MBD5: variants seen among roughly 807,000 people sequenced by gnomAD.
MBD5 encodes the protein methyl-CpG-binding domain protein 5.
In MBD5, 13 loss-of-function variants were observed where a neutral mutation model predicts 117.3. That is an observed-to-expected ratio of 0.11 (90% CI 0.07 to 0.18). The LOEUF (loss-of-function observed/expected upper bound fraction) is 0.18. Ranked by LOEUF, MBD5 falls within the 10% of genes least tolerant of loss-of-function variation. MBD5 has a pLI of 1.00. For missense variants in MBD5, 1,879 were observed against 2,093.8 expected, an observed-to-expected ratio of 0.90 and a Z score of 2.00; for synonymous variants, 727 against 766.4, an observed-to-expected ratio of 0.95 and a Z score of 0.85.
chr2:148,479,309 A>G (rs1021029734), intron 8 of MBD5, among the ~76,000 whole-genome samples: 1 of 152,174 alleles, frequency 6.6e-6, no homozygotes, highest in African/African-American at 2.4e-5. Flanking sequence ...TTGGACTAAT[A>G]CACTGGAGAG....
At chr2:148,050,470 C>G (rs549641410) in intron 1 of MBD5, among the ~76,000 whole-genome samples, 1 of 152,044 alleles carries the variant, frequency 6.6e-6, no homozygotes, top group South Asian at 2.1e-4. Flanking sequence ...GGATACTAGA[C>G]CCTTATCATA....
intron 4 of MBD5, among the ~76,000 whole-genome samples, chr2:148,426,431 A>G (rs1039026351): frequency 4.6e-5 from 7 of 152,064 alleles, no homozygotes; most frequent in African/African-American, 1.7e-4. Context: ...CCAAAACAGC[A>G]TGGTACTGGT....
At chr2:148,082,096 C>T (rs1439098167) in intron 1 of MBD5, among the ~76,000 whole-genome samples, 12 of 152,224 alleles carry the variant, frequency 7.9e-5, no homozygotes, top group Non-Finnish European at 1.3e-4. Flanking sequence ...GGAAATACTT[C>T]GCACTTCATA....
At chr2:148,303,036 T>C (rs1019759241) in intron 3 of MBD5, among the ~76,000 whole-genome samples, 1 of 151,224 alleles carries the variant, frequency 6.6e-6, no homozygotes, top group Non-Finnish European at 1.5e-5. Context: ...GAAGATGTTA[T>C]TTATATTTTT....
chr2:148,025,623 A>G (rs1015218319), intron 1 of MBD5: 1 of 150,446 alleles, frequency 6.6e-6, no homozygotes, highest in African/African-American at 2.4e-5. Flanking sequence ...TTTTTATCTC[A>G]TATAACAGAT....
At chr2:148,205,769 T>G (rs750370189) in intron 2 of MBD5, among the ~76,000 whole-genome samples, 1 of 152,150 alleles carries the variant, frequency 6.6e-6, no homozygotes, top group Non-Finnish European at 1.5e-5. Flanking sequence ...CTCATGCCTG[T>G]AATCCCAGCA....
rs373075359 is a variant in MBD5 at position 148,405,511 on chromosome 2, A to G, written c.-556-52692A>G. On this transcript the variant is annotated intron_variant, in intron 4 of 13. Coordinates refer to ENST00000642680, the MANE Select transcript of MBD5 (RefSeq NM_001378120.1). ...CAACTGCAGAAGCCAAAAGTCAAGA[A>G]TAAGTTCGACATGTTCAAGGAACAG... Among the ~76,000 whole-genome samples, 4 of 151,166 alleles carry G rather than the reference A, an allele frequency of 2.6e-5. 1 individual carries two copies. The highest frequency in any genetic ancestry group is 9.8e-5 in the African/African-American group (4 of 40,726).
At chr2:148,116,557 C>T (rs1251434056) in intron 1 of MBD5, among the ~76,000 whole-genome samples, 1 of 152,100 alleles carries the variant, frequency 6.6e-6, no homozygotes, top group Non-Finnish European at 1.5e-5. Flanking sequence ...ATTTCATGTA[C>T]CAGGGTGGAC....
At chr2:148,095,460 A>G (rs1318345382) in intron 1 of MBD5, among the ~76,000 whole-genome samples, 1 of 152,096 alleles carries the variant, frequency 6.6e-6, no homozygotes, top group Non-Finnish European at 1.5e-5. Context: ...TACACATGCA[A>G]TCTGTATGTA....
At chr2:148,369,914 A>G (rs1342698804) in intron 4 of MBD5, among the ~76,000 whole-genome samples, 2 of 152,132 alleles carry the variant, frequency 1.3e-5, no homozygotes, top group African/African-American at 4.8e-5. Context: ...CTATTTCAAA[A>G]CACATAAAAC....
At chr2:148,493,700 T>C (rs551389577) in intron 11 of MBD5, among the ~76,000 whole-genome samples, 3 of 152,350 alleles carry the variant, frequency 2.0e-5, no homozygotes, top group South Asian at 2.1e-4. Context: ...CTTATGATCT[T>C]AGAAAGGCCT....
chr2:148,458,635 C>A lies in MBD5; in HGVS notation c.-124C>A. On this transcript the variant is annotated 5_prime_UTR_variant, in exon 5 of 14. Transcript: ENST00000642680. Reference sequence around the variant, plus strand: ...CAAACTGAGCTGAAGCTTCCCAATGCGTTTTGTACAGTCTGGGAAAAACTG... The same window carrying A: ...CAAACTGAGCTGAAGCTTCCCAATGAGTTTTGTACAGTCTGGGAAAAACTG... The A allele has an allele frequency of 2.5e-6, 2 of 785,026 alleles. No individual in the cohort carries two copies. Among genetic ancestry groups the A allele is most frequent in the South Asian group, 1.4e-5 (1 of 69,118 alleles). 48.6% of individuals were successfully genotyped at this position (785,026 alleles called of 1,614,324 possible). A position where few individuals can be genotyped will look rare whatever the true frequency, so the allele number is the denominator to read the frequency against.
chr2:148,184,313 T>A (rs964004603), intron 2 of MBD5, among the ~76,000 whole-genome samples: 1 of 152,148 alleles, frequency 6.6e-6, no homozygotes, highest in African/African-American at 2.4e-5. Context: ...AGACCCAGCC[T>A]ATTTTTCTTT....
intron 8 of MBD5, among the ~76,000 whole-genome samples, chr2:148,482,249 G>C (rs1681179934): frequency 6.6e-6 from 1 of 152,084 alleles, no homozygotes; most frequent in African/African-American, 2.4e-5. Context: ...TGGCAAAGAA[G>C]TGTTAATAAG....
Position 148,227,412 on chromosome 2 carries a change from T to C in MBD5, c.-830-5833T>C, listed in dbSNP as rs556937862. 2.0e-5 allele frequency among the ~76,000 whole-genome samples: 3 copies of C among 152,324 alleles called. No homozygotes were observed. In the South Asian group the frequency reaches 6.2e-4, roughly 32 times the overall value. On this transcript the variant is annotated intron_variant, in intron 2 of 13. Transcript: ENST00000642680. ...TTGTTTTTCTCAGGTTTGTCAAAGA[T>C]CAGGTAGTTGTAGATACGCGGCATT...
At chr2:148,275,475 C>G (rs1574227177) in intron 3 of MBD5, among the ~76,000 whole-genome samples, 2 of 152,288 alleles carry the variant, frequency 1.3e-5, no homozygotes, top group Non-Finnish European at 2.9e-5. Context: ...AGCAGGCCAG[C>G]AGGCTGGAAA....
chr2:148,157,852 A>G (rs1048502987), intron 1 of MBD5, among the ~76,000 whole-genome samples: 1 of 152,178 alleles, frequency 6.6e-6, no homozygotes, highest in African/African-American at 2.4e-5. Flanking sequence ...ATTCCAGAGG[A>G]CAGTTTAACA....
chr2:148,059,204 A>G (rs1300786673), intron 1 of MBD5, among the ~76,000 whole-genome samples: 2 of 152,138 alleles, frequency 1.3e-5, no homozygotes, highest in East Asian at 3.8e-4. Flanking sequence ...ATAGTCTAAC[A>G]TCATTTATAA....
chr2:148,447,236 G>GAAAGA (rs1559075780), intron 4 of MBD5, among the ~76,000 whole-genome samples: 1 of 134,026 alleles, frequency 7.5e-6, no homozygotes, highest in African/African-American at 3.3e-5. Context: ...AGAAAGAAAG[G>GAAAGA]GAAAGGAGGG....
Sources: allele counts gnomAD v4.1 joint callset (sites outside exome capture counted in the v4.1 genomes callset), GRCh38; gene constraint gnomAD v4.1.1; transcripts MANE v1.5; gene names NCBI Gene and HGNC (gene_info 2026-07-23, HGNC 2026-07-21).